The following PEDS1 variants were observed in gnomAD, a reference collection of about 807,000 sequenced individuals.
PEDS1 encodes plasmanylethanolamine desaturase 1, also known as CarF homolog.
A neutral mutation model predicts 35.2 loss-of-function variants in PEDS1; 14 were observed. The ratio of observed to expected loss-of-function variants is 0.40; its 90% confidence interval spans 0.26 to 0.62. PEDS1 has a LOEUF of 0.62. PEDS1 is among the 20% of genes least tolerant of loss of function. The probability of loss-of-function intolerance (pLI) is 0.44; values close to 1 mark genes in which losing one functional copy is unlikely to be tolerated. For synonymous variants in PEDS1, 152 were observed against 152.0 expected, an observed-to-expected ratio of 1.00 and a Z score of 0.00; for missense variants, 260 against 367.8, an observed-to-expected ratio of 0.71 and a Z score of 2.40.
In PEDS1 at chr20:50,128,713, C is replaced by T. The variant is rs1405028292; in HGVS notation, c.479-526G>A. 6.6e-6 allele frequency among the ~76,000 whole-genome samples: 1 copy of T among 152,184 alleles called. No homozygotes were observed. The highest frequency in any genetic ancestry group is 2.4e-5 in the African/African-American group (1 of 41,450). On this transcript the variant is annotated intron_variant, in intron 4 of 5. Coordinates refer to ENST00000371652, the MANE Select transcript of PEDS1 (RefSeq NM_199129.4). The surrounding 1 kb of genome is among the most constrained non-coding windows in gnomAD (Gnocchi z 5.2). ...AAAGATGGGGTGGGTGGCGTCCTGT[C>T]TCAGTCTGTTCCTGCAAGGAGCTCT...
chr20:50,134,503 C>T (rs895372039), intron 2 of PEDS1, among the ~76,000 whole-genome samples: 33 of 152,098 alleles, frequency 2.2e-4, no homozygotes, highest in Admixed American at 5.9e-4. Flanking sequence ...GCCGAGATTT[C>T]GCCATTGCAC....
chr20:50,150,055 G>A (rs1032138844), intron 1 of PEDS1, among the ~76,000 whole-genome samples: 5 of 152,180 alleles, frequency 3.3e-5, no homozygotes, highest in Admixed American at 2.6e-4. Flanking sequence ...GGGCAGATGC[G>A]GGCCTAACCC....
At chr20:50,130,196 CG>C (rs2081161850) in intron 3 of PEDS1, among the ~76,000 whole-genome samples, 1 of 152,176 alleles carries the variant, frequency 6.6e-6, no homozygotes, top group Admixed American at 6.5e-5. Flanking sequence ...GGGCCCAGCA[CG>C]TGACCCAATC....
chr20:50,142,769 T>TG (rs1374106749), intron 2 of PEDS1, among the ~76,000 whole-genome samples: 1 of 143,692 alleles, frequency 7.0e-6, no homozygotes, highest in Admixed American at 7.1e-5. Flanking sequence ...CTATGTTTTG[T>TG]GGGGCAATCA....
Position 50,129,147 on chromosome 20 carries a change from C to T in PEDS1, c.478+399G>A, listed in dbSNP as rs541005701. On this transcript the variant is annotated intron_variant, in intron 4 of 5. Transcript: ENST00000371652. The surrounding 1 kb of genome is among the most constrained non-coding windows in gnomAD (Gnocchi z 4.2). ...AAATAGGCAGGCCCTGTTTTCACAG[C>T]CTAGACATTTTCCACTAGGCCACGG... Among the ~76,000 whole-genome samples, 418 of 152,354 alleles carry T rather than the reference C, an allele frequency of 2.7e-3. 1 individual carries two copies. Among genetic ancestry groups the T allele is most frequent in the Admixed American group, 4.0e-3 (61 of 15,302 alleles).
chr20:50,147,919 G>A (rs920227382), intron 1 of PEDS1, among the ~76,000 whole-genome samples: 1 of 152,054 alleles, frequency 6.6e-6, no homozygotes, highest in African/African-American at 2.4e-5. Context: ...AGCCAGGTGT[G>A]GTGGTGTGCA....
chr20:50,136,203 G>C (rs141270744), intron 2 of PEDS1, among the ~76,000 whole-genome samples: 4 of 152,094 alleles, frequency 2.6e-5, no homozygotes, highest in Admixed American at 6.5e-5. Flanking sequence ...TCAAGGCCTC[G>C]CTTAGGCCGA....
At position 50,137,743 on chromosome 20, in the gene PEDS1, C is replaced by T. The variant is rs183945410; in HGVS notation, c.241+5759G>A. ...AAAATTAGCCGGGCGTGCTGGCGCGCGCTTGTAGTCCCAGCTACTCGGGAG... is the reference window on the plus strand; with the variant it reads ...AAAATTAGCCGGGCGTGCTGGCGCGTGCTTGTAGTCCCAGCTACTCGGGAG... On this transcript the variant is annotated intron_variant, in intron 2 of 5. Coordinates refer to ENST00000371652, the MANE Select transcript of PEDS1 (RefSeq NM_199129.4). Among the ~76,000 whole-genome samples, 400 of 152,266 alleles carry T rather than the reference C, an allele frequency of 2.6e-3. 2 individuals carry two copies. The highest frequency in any genetic ancestry group is 9.0e-3 in the African/African-American group (376 of 41,556).
Position 50,119,749 on chromosome 20 carries a change from G to A in PEDS1, c.*5309C>T, listed in dbSNP as rs2081035454. The A allele has an allele frequency of 6.6e-6, 1 of 152,180 alleles. No homozygotes were observed. Among genetic ancestry groups the A allele is most frequent in the African/African-American group, 2.4e-5 (1 of 41,420 alleles). 9.4% of individuals were successfully genotyped at this position (152,180 alleles called of 1,614,324 possible). A position where few individuals can be genotyped will look rare whatever the true frequency, so the allele number is the denominator to read the frequency against. ...AATTTACCCTTCATTCTAGACTAGG[G>A]AGAGGTTGGTAACTTTTCTCTGTAA... is the stretch of plus-strand genomic sequence containing the variant. On this transcript the variant is annotated 3_prime_UTR_variant, in exon 6 of 6. Coordinates refer to ENST00000371652, the MANE Select transcript of PEDS1 (RefSeq NM_199129.4).
At chr20:50,135,703 G>A (rs941632590) in intron 2 of PEDS1, among the ~76,000 whole-genome samples, 9 of 148,404 alleles carry the variant, frequency 6.1e-5, no homozygotes, top group African/African-American at 2.0e-4. Context: ...CCCCACAGCT[G>A]GCTCCCCTGT....
At chr20:50,143,186 C>T (rs965487749) in intron 2 of PEDS1, among the ~76,000 whole-genome samples, 18 of 152,144 alleles carry the variant, frequency 1.2e-4, no homozygotes, top group Admixed American at 5.9e-4. Context: ...GCTGGACAAG[C>T]GTGGGGACCA....
At chr20:50,144,794 TAGC>T (rs760699270) in intron 1 of PEDS1, among the ~76,000 whole-genome samples, 32 of 152,216 alleles carry the variant, frequency 2.1e-4, no homozygotes, top group Middle Eastern at 3.4e-3. Flanking sequence ...AAGTGCCAAA[TAGC>T]AGCCATTTAT....
Position 50,129,517 on chromosome 20 carries a change from C to T in PEDS1, c.478+29G>A. Reference sequence around the variant, plus strand: ...TCGGCCTCTGCCCCCAAGGCCCCCTCCCAGCCCACCACTAGCTGGGTGTCT... The same window carrying T: ...TCGGCCTCTGCCCCCAAGGCCCCCTTCCAGCCCACCACTAGCTGGGTGTCT... On this transcript the variant is annotated intron_variant, in intron 4 of 5. Transcript: ENST00000371652. The surrounding 1 kb of genome is among the most constrained non-coding windows in gnomAD (Gnocchi z 4.2). The T allele has an allele frequency of 1.9e-6, 3 of 1,613,502 alleles. No individual in the cohort carries two copies. Among genetic ancestry groups the T allele is most frequent in the Middle Eastern group, 1.7e-4 (1 of 6,052 alleles).
At chr20:50,127,494 A>T (rs2081121157) in intron 5 of PEDS1, among the ~76,000 whole-genome samples, 1 of 152,006 alleles carries the variant, frequency 6.6e-6, no homozygotes, top group Admixed American at 6.6e-5. Flanking sequence ...GGTGCCTGCC[A>T]CCAAGCCCAA....
chr20:50,153,482 G>T (rs1474394977), intron 1 of PEDS1, 35 bp downstream of exon 1: 2 of 1,310,564 alleles, frequency 1.5e-6, no homozygotes, highest in South Asian at 1.9e-5. Context: ...CGGGGCTGGT[G>T]ACCGCAGGCC....
intron 2 of PEDS1, among the ~76,000 whole-genome samples, chr20:50,142,217 G>A (rs1454159452): frequency 6.6e-6 from 1 of 152,196 alleles, no homozygotes; most frequent in Non-Finnish European, 1.5e-5. Context: ...ATAAACAACA[G>A]CTCTCTCATT....
chr20:50,151,885 A>G (rs1264427887), intron 1 of PEDS1, among the ~76,000 whole-genome samples: 1 of 152,034 alleles, frequency 6.6e-6, no homozygotes, highest in Non-Finnish European at 1.5e-5. Context: ...AACAAAACAA[A>G]AAACAACAAA....
Position 50,124,173 on chromosome 20 carries a change from T to C in PEDS1, c.*885A>G, listed in dbSNP as rs1344243715. On this transcript the variant is annotated 3_prime_UTR_variant, in exon 6 of 6. Coordinates refer to ENST00000371652, the MANE Select transcript of PEDS1 (RefSeq NM_199129.4). ...ACACCACGAGGCAGCCAAGGTTAAG[T>C]AGACTCTTGCTGCTTTGTTATAAAT... 6.6e-6 allele frequency: 1 copy of C among 152,642 alleles called. No individual in the cohort carries two copies. The highest frequency in any genetic ancestry group is 1.5e-5 in the Non-Finnish European group (1 of 68,042). 9.5% of individuals were successfully genotyped at this position (152,642 alleles called of 1,614,324 possible).
Position 50,129,694 on chromosome 20 carries a change from G to A in PEDS1, c.334-4C>T, listed in dbSNP as rs768225383. ...CCCGGAAGGGTCGGATGAAAGCCTG[G>A]AGTTGAGGGGGACACAGCCCCAGCA... is the stretch of plus-strand genomic sequence containing the variant. On this transcript the variant is annotated splice_polypyrimidine_tract_variant and splice_region_variant and intron_variant, in intron 3 of 5. Coordinates refer to ENST00000371652, the MANE Select transcript of PEDS1 (RefSeq NM_199129.4). The surrounding 1 kb of genome is among the most constrained non-coding windows in gnomAD (Gnocchi z 4.2). 1 of 1,613,816 alleles carries A rather than the reference G, an allele frequency of 6.2e-7. No homozygotes were observed. The highest frequency in any genetic ancestry group is 1.1e-5 in the South Asian group (1 of 91,076).
Sources: gnomAD v4.1 joint callset for allele counts (sites outside exome capture counted in the v4.1 genomes callset) on GRCh38, gnomAD v4.1.1 for gene constraint, Gnocchi (gnomAD v3.1) non-coding constraint, MANE v1.5 for transcripts, NCBI Gene and HGNC (gene_info 2026-07-23, HGNC 2026-07-21) for gene names.